SPAST: variants seen among roughly 807,000 people sequenced by gnomAD.
The protein encoded by SPAST is spastic paraplegia 4 (autosomal dominant; spastin).
In SPAST, 30 loss-of-function variants were observed where a neutral mutation model predicts 76.6. That is an observed-to-expected ratio of 0.39 (90% CI 0.29 to 0.53). SPAST has a LOEUF of 0.53. SPAST is among the 20% of genes least tolerant of loss of function. SPAST has a pLI of 0.68. For missense variants in SPAST, 717 were observed against 770.5 expected (o/e 0.93, Z 0.82); for synonymous variants, 305 against 281.0 (o/e 1.09, Z -0.86).
At chr2:32,115,646 A>G in intron 5 of SPAST, 56 bp from the exon 6 acceptor site, 1 of 1,343,078 alleles carries the variant, frequency 7.4e-7, no homozygotes, top group Non-Finnish European at 1.1e-6. Flanking sequence ...TAACTTATTT[A>G]TGAAAAGTGT....
At chr2:32,135,928 AT>A (rs1679520948) in intron 9 of SPAST, among the ~76,000 whole-genome samples, 1 of 152,086 alleles carries the variant, frequency 6.6e-6, no homozygotes, top group African/African-American at 2.4e-5. Flanking sequence ...AAATACAAAA[AT>A]TAGCCAGGCG....
chr2:32,147,646 G>GCTTGTTTT (rs1679938975), intron 16 of SPAST, among the ~76,000 whole-genome samples: 1 of 150,480 alleles, frequency 6.6e-6, no homozygotes, highest in Non-Finnish European at 1.5e-5. Flanking sequence ...TTGTTTGTTT[G>GCTTGTTTT]TTTGAGACGG....
At chr2:32,124,805 A>G (rs527619772) in intron 7 of SPAST, among the ~76,000 whole-genome samples, 10 of 152,328 alleles carry the variant, frequency 6.6e-5, no homozygotes, top group Admixed American at 5.2e-4. Flanking sequence ...AGGCTACACT[A>G]TAGGATTCTG....
Position 32,154,605 on chromosome 2 carries a change from G to T in SPAST, c.*109G>T, listed in dbSNP as rs1558347976. The T allele has an allele frequency of 1.8e-6, 2 of 1,114,720 alleles. No homozygotes were observed. Among genetic ancestry groups the T allele is most frequent in the Non-Finnish European group, 2.7e-6 (2 of 742,474 alleles). 69.1% of individuals were successfully genotyped at this position (1,114,720 alleles called of 1,614,324 possible). ...CAGCCTAAGTTTACAGGACTTTTTAGAGTCTTACATATTTGTGCACCAAAC... is the reference window on the plus strand; with the variant it reads ...CAGCCTAAGTTTACAGGACTTTTTATAGTCTTACATATTTGTGCACCAAAC... On this transcript the variant is annotated 3_prime_UTR_variant, in exon 17 of 17. Coordinates refer to ENST00000315285, the MANE Select transcript of SPAST (RefSeq NM_014946.4).
At chr2:32,067,430 GA>G (rs1676566299) in intron 1 of SPAST, among the ~76,000 whole-genome samples, 2 of 152,026 alleles carry the variant, frequency 1.3e-5, no homozygotes, top group South Asian at 4.1e-4. Flanking sequence ...AGAAATTAAG[GA>G]AAACCTAGGC....
chr2:32,147,553 G>C (rs967808523), intron 16 of SPAST, among the ~76,000 whole-genome samples: 1 of 152,066 alleles, frequency 6.6e-6, no homozygotes, highest in Non-Finnish European at 1.5e-5. Flanking sequence ...CTGACCTCAA[G>C]TGATCCACCC....
At chr2:32,115,635 T>A (rs1436136525) in intron 5 of SPAST, 67 bp from the exon 6 acceptor site, 21 of 1,244,528 alleles carry the variant, frequency 1.7e-5, no homozygotes, top group Non-Finnish European at 2.3e-6. Flanking sequence ...AACTTTAAGG[T>A]TAACTTATTT....
chr2:32,066,950 G>A (rs1299031450), intron 1 of SPAST, among the ~76,000 whole-genome samples: 1 of 132,400 alleles, frequency 7.6e-6, no homozygotes, highest in Non-Finnish European at 1.5e-5. Flanking sequence ...CTCCGAACTG[G>A]GTGACAGGAG....
At chr2:32,106,934 A>T (rs1678347093) in intron 4 of SPAST, among the ~76,000 whole-genome samples, 1 of 151,544 alleles carries the variant, frequency 6.6e-6, no homozygotes, top group African/African-American at 2.4e-5. Flanking sequence ...ACATATAAAT[A>T]GTTAAGTTTC....
At chr2:32,133,715 C>T (rs1052916437) in intron 9 of SPAST, among the ~76,000 whole-genome samples, 1 of 150,102 alleles carries the variant, frequency 6.7e-6, no homozygotes, top group Non-Finnish European at 1.5e-5. Flanking sequence ...TTTTCCACAC[C>T]GTCTTCAAAA....
rs750900931 is a variant in SPAST, at chr2:32,063,851, G to C, written c.20G>C (p.Arg7Pro). 6 of 1,581,606 alleles carry C rather than the reference G, an allele frequency of 3.8e-6. No individual in the cohort carries two copies. Among genetic ancestry groups the C allele is most frequent in the Non-Finnish European group, 5.1e-6 (6 of 1,170,482 alleles). Residue 7 changes from arginine (R) to proline (P), a missense_variant, in exon 1 of 17, where the codon CGA becomes CCA. Arg to Pro is a moderately radical substitution (Grantham distance 103). This residue lies in a region of SPAST where 543 missense variants were observed against 445.2 expected (regional missense o/e 1.22). Coordinates refer to ENST00000315285, the MANE Select transcript of SPAST (RefSeq NM_014946.4). ...CTGTGAATGAATTCTCCGGGTGGAC[G>C]AGGGAAGAAGAAAGGCTCCGGCGGC... MNSPGG[R>P]GKKKGSGGAS...
At position 32,118,224 on chromosome 2, in the gene SPAST, T is replaced by A. The variant is rs189231961; in HGVS notation, c.1098+2012T>A. On this transcript the variant is annotated intron_variant, in intron 7 of 16. Transcript: ENST00000315285. ...GCAAAGGTTTTATGGCTGTCTCAATTTTTCCATAGTCTTGAGTCATTCACA... is the reference window on the plus strand; with the variant it reads ...GCAAAGGTTTTATGGCTGTCTCAATATTTCCATAGTCTTGAGTCATTCACA... Among the ~76,000 whole-genome samples the A allele has an allele frequency of 6.6e-5, 10 of 152,330 alleles. No individual in the cohort carries two copies. In the East Asian group the frequency reaches 1.9e-3, roughly 29 times the overall value.
intron 7 of SPAST, among the ~76,000 whole-genome samples, chr2:32,122,049 G>T (rs1450320061): frequency 6.6e-6 from 1 of 152,098 alleles, no homozygotes; most frequent in African/African-American, 2.4e-5. Context: ...AGTTGATTAG[G>T]ACTCTGTGCT....
At chr2:32,129,547 G>T (rs915310018) in intron 9 of SPAST, 1 of 152,194 alleles carries the variant, frequency 6.6e-6, no homozygotes, top group African/African-American at 2.4e-5. Context: ...TTTGTCTGGT[G>T]TGCAGAACTA....
intron 1 of SPAST, among the ~76,000 whole-genome samples, chr2:32,073,602 T>G (rs1402246497): frequency 6.6e-6 from 1 of 152,178 alleles, no homozygotes; most frequent in Non-Finnish European, 1.5e-5. Flanking sequence ...GTGCGGAGAT[T>G]ACAGGCATGA....
chr2:32,098,376 A>G (rs565074407), intron 3 of SPAST, among the ~76,000 whole-genome samples: 1 of 152,136 alleles, frequency 6.6e-6, no homozygotes, highest in African/African-American at 2.4e-5. Flanking sequence ...GCAGAAGGAT[A>G]ACTTGAGCTC....
intron 9 of SPAST, 110 bp downstream of exon 9, chr2:32,128,589 A>G (rs1247538371): frequency 3.0e-5 from 22 of 742,782 alleles, no homozygotes; most frequent in South Asian, 1.2e-4. Flanking sequence ...GAGCTTATCT[A>G]TTGTATCTAT....
chr2:32,141,086 C>A (rs867833291), intron 12 of SPAST, among the ~76,000 whole-genome samples: 1 of 151,684 alleles, frequency 6.6e-6, no homozygotes, highest in African/African-American at 2.4e-5. Flanking sequence ...CTTGAGTAGT[C>A]CATGTATACA....
At chr2:32,081,035 C>T (rs1309903336) in intron 1 of SPAST, among the ~76,000 whole-genome samples, 4 of 151,208 alleles carry the variant, frequency 2.6e-5, no homozygotes, top group Non-Finnish European at 3.0e-5. Context: ...CTTGGCTCAC[C>T]GCAGCCTCCG....
Sources: allele counts gnomAD v4.1 joint callset (sites outside exome capture counted in the v4.1 genomes callset), GRCh38; gene constraint gnomAD v4.1.1; regional missense constraint gnomAD v4.1.1; transcripts MANE v1.5; gene names NCBI Gene and HGNC (gene_info 2026-07-23, HGNC 2026-07-21).